HS6ST2: variants seen among roughly 807,000 people sequenced by gnomAD.
The protein encoded by HS6ST2 is heparan-sulfate 6-O-sulfotransferase 2.
In HS6ST2, 17 loss-of-function variants were observed where a neutral mutation model predicts 33.0. The observed-to-expected ratio is 0.52, with a 90% confidence interval of 0.35 to 0.77. The LOEUF is 0.77. Ranked by LOEUF, HS6ST2 falls within the 30% of genes least tolerant of loss-of-function variation. The probability of loss-of-function intolerance (pLI) is 0.01; values close to 1 mark genes in which losing one functional copy is unlikely to be tolerated. For missense variants in HS6ST2, 519 were observed against 551.7 expected (o/e 0.94, Z 0.59); for synonymous variants, 248 against 237.1 (o/e 1.05, Z -0.42).
At chrX:132,792,731 T>A (rs745515812) in intron 2 of HS6ST2, among the ~76,000 whole-genome samples, 2 of 111,940 alleles carry the variant, frequency 1.8e-5, no homozygotes, top group Non-Finnish European at 3.8e-5. Context: ...TTCTAATATT[T>A]CATATAAATG....
chrX:132,698,713 G>C (rs2064121137), intron 3 of HS6ST2, among the ~76,000 whole-genome samples: 1 of 111,350 alleles, frequency 9.0e-6, no homozygotes, highest in Non-Finnish European at 1.9e-5. Flanking sequence ...GCCCCACAAT[G>C]AGGTTATTCC....
At chrX:132,786,110 G>T (rs1487703669) in intron 2 of HS6ST2, among the ~76,000 whole-genome samples, 1 of 111,759 alleles carries the variant, frequency 8.9e-6, no homozygotes, top group Non-Finnish European at 1.9e-5. Flanking sequence ...GGTTAAATGG[G>T]GTAATACACA....
chrX:132,733,668 C>A (rs750583637), intron 2 of HS6ST2, among the ~76,000 whole-genome samples: 2 of 111,019 alleles, frequency 1.8e-5, no homozygotes, highest in Non-Finnish European at 3.8e-5. Flanking sequence ...GCTTTAGAGT[C>A]TAAATGTTCC....
intron 4 of HS6ST2, among the ~76,000 whole-genome samples, chrX:132,637,836 AATATTTT>A (rs1244748985): frequency 0.1 from 4,269 of 42,900 alleles, 261 homozygotes; most frequent in African/African-American, 0.27. Flanking sequence ...TATTATATAT[AATATTTT>A]ATATATAATA....
rs772427333 is a variant in HS6ST2 at position 132,912,712 on chromosome X, C to T, written c.947+44096G>A. Among the ~76,000 whole-genome samples, 6 of 112,078 alleles carry T rather than the reference C, an allele frequency of 5.4e-5. No individual in the cohort carries two copies. The South Asian group carries it at 2.2e-3, about 42-fold the overall frequency. On this transcript the variant is annotated intron_variant, in intron 2 of 4. Coordinates refer to ENST00000370833, the MANE Select transcript of HS6ST2 (RefSeq NM_001394073.1). ...GGCTCTATTCTGCTTTTGCTCCTGC[C>T]TCTGTGTACTGCTCATAGCAGCAGA... is the stretch of plus-strand genomic sequence containing the variant.
At chrX:132,680,428 C>T (rs112531449) in intron 3 of HS6ST2, among the ~76,000 whole-genome samples, 3,493 of 110,924 alleles carry the variant, frequency 0.031, 61 homozygotes, top group Non-Finnish European at 0.047. Context: ...GTTTAGTTGG[C>T]AATTGGATAG....
chrX:132,646,440 G>A (rs1291394391), intron 4 of HS6ST2, among the ~76,000 whole-genome samples: 2 of 108,891 alleles, frequency 1.8e-5, no homozygotes, highest in Non-Finnish European at 3.8e-5. Flanking sequence ...ACGCTGAAGT[G>A]GGAGGACCAC....
intron 4 of HS6ST2, among the ~76,000 whole-genome samples, chrX:132,662,127 C>T (rs746284196): frequency 1.1e-3 from 122 of 111,130 alleles, no homozygotes; most frequent in Non-Finnish European, 2.0e-3. Flanking sequence ...CAGATATAGA[C>T]CCAAATACAT....
At chrX:132,682,633 G>A (rs959800838) in intron 3 of HS6ST2, among the ~76,000 whole-genome samples, 4 of 103,890 alleles carry the variant, frequency 3.9e-5, no homozygotes, top group African/African-American at 1.4e-4. Flanking sequence ...CTCTAATGAC[G>A]TTTACTTTTT....
intron 2 of HS6ST2, among the ~76,000 whole-genome samples, chrX:132,896,093 G>A (rs934395803): frequency 1.8e-5 from 2 of 111,153 alleles, no homozygotes; most frequent in African/African-American, 6.5e-5. Flanking sequence ...GAGACAGAGA[G>A]TAGAAGGATG....
intron 2 of HS6ST2, among the ~76,000 whole-genome samples, chrX:132,862,195 CT>C (rs1026724987): frequency 8.9e-6 from 1 of 112,082 alleles, no homozygotes; most frequent in African/African-American, 3.2e-5. Flanking sequence ...ACAAGAACAT[CT>C]ATTTTCATAC....
chrX:132,912,105 A>G (rs765923180), intron 2 of HS6ST2, among the ~76,000 whole-genome samples: 2 of 112,734 alleles, frequency 1.8e-5, no homozygotes, highest in South Asian at 7.3e-4. Context: ...CTCCTGACCC[A>G]TATCTGTATG....
At chrX:132,882,075 T>C (rs1423035936) in intron 2 of HS6ST2, among the ~76,000 whole-genome samples, 1 of 111,724 alleles carries the variant, frequency 9.0e-6, no homozygotes, top group Non-Finnish European at 1.9e-5. Flanking sequence ...TCCAGCCTTG[T>C]TCTTTTGGCT....
At chrX:132,867,417 T>C (rs1602775281) in intron 2 of HS6ST2, among the ~76,000 whole-genome samples, 1 of 110,910 alleles carries the variant, frequency 9.0e-6, no homozygotes. Flanking sequence ...TCAATGTTCA[T>C]CAAGGATATT....
chrX:132,813,359 C>T (rs1419491537), intron 2 of HS6ST2, among the ~76,000 whole-genome samples: 1 of 111,426 alleles, frequency 9.0e-6, no homozygotes, highest in East Asian at 2.8e-4. Context: ...CCTCTTGCTA[C>T]CTCTCCAACT....
intron 2 of HS6ST2, among the ~76,000 whole-genome samples, chrX:132,736,542 T>G (rs1334500726): frequency 1.8e-5 from 2 of 111,889 alleles, no homozygotes; most frequent in Non-Finnish European, 3.8e-5. Context: ...TCAGGGTCTC[T>G]GCCAGGGGTG....
At chrX:132,794,542 T>C (rs1327114730) in intron 2 of HS6ST2, among the ~76,000 whole-genome samples, 3 of 104,017 alleles carry the variant, frequency 2.9e-5, no homozygotes, top group Non-Finnish European at 5.9e-5. Context: ...TACAGGTGCA[T>C]TTCACCACTC....
intron 2 of HS6ST2, among the ~76,000 whole-genome samples, chrX:132,932,117 C>T (rs1297835668): frequency 9.5e-6 from 1 of 105,067 alleles, no homozygotes; most frequent in Non-Finnish European, 1.9e-5. Context: ...ACCCGGGAGG[C>T]GGAGCTTGCA....
chrX:132,940,641 G>C lies in HS6ST2; in HGVS notation c.947+16167C>G, dbSNP rs2066876843. ...AACAACCTGTATAGATATTTCTCCA[G>C]AGAAGATACTCAAATGGGCAATAGG... On this transcript the variant is annotated intron_variant, in intron 2 of 4. Transcript: ENST00000370833. 2.7e-5 allele frequency among the ~76,000 whole-genome samples: 3 copies of C among 112,031 alleles called. No homozygotes were observed. In the South Asian group the frequency reaches 1.1e-3, roughly 42 times the overall value.
Sources: allele counts gnomAD v4.1 joint callset (sites outside exome capture counted in the v4.1 genomes callset), GRCh38; gene constraint gnomAD v4.1.1; transcripts MANE v1.5; gene names NCBI Gene and HGNC (gene_info 2026-07-23, HGNC 2026-07-21).